CCSER1: variants seen among roughly 807,000 people sequenced by gnomAD.
The protein encoded by CCSER1 is coiled-coil serine rich protein 1.
In CCSER1, 41 loss-of-function variants were observed where a neutral mutation model predicts 82.0. The observed-to-expected ratio is 0.50, with a 90% CI of 0.39 to 0.65. The LOEUF (loss-of-function observed/expected upper bound fraction) is 0.65. CCSER1 is among the 30% of genes least tolerant of loss of function. The probability of loss-of-function intolerance (pLI) is 0.00; values close to 1 mark genes in which losing one functional copy is unlikely to be tolerated. For synonymous variants in CCSER1, 414 were observed against 383.9 expected, an observed-to-expected ratio of 1.08 and a Z score of -0.92; for missense variants, 1,119 against 1,064.2, an observed-to-expected ratio of 1.05 and a Z score of -0.72.
chr4:90,865,061 A>G lies in CCSER1; in HGVS notation c.2094+49216A>G, dbSNP rs1268259971. On this transcript the variant is annotated intron_variant, in intron 8 of 10. Coordinates refer to ENST00000509176, the MANE Select transcript of CCSER1 (RefSeq NM_001145065.2). ...TTATTCATCTAGGCAGCACTTTTTC[A>G]TTTTGGTGAATCCAATATATTCTTT... 2.6e-5 allele frequency among the ~76,000 whole-genome samples: 4 copies of G among 152,040 alleles called. No individual in the cohort carries two copies. In the East Asian group the frequency reaches 7.8e-4, roughly 29 times the overall value.
chr4:90,715,437 T>A (rs770704348), intron 6 of CCSER1, among the ~76,000 whole-genome samples: 7 of 151,992 alleles, frequency 4.6e-5, no homozygotes, highest in Non-Finnish European at 7.4e-5. Context: ...CAGCTTTGAT[T>A]TAGCTTTCAG....
chr4:91,495,404 T>C (rs1224387027), intron 10 of CCSER1, among the ~76,000 whole-genome samples: 1 of 151,664 alleles, frequency 6.6e-6, no homozygotes, highest in Non-Finnish European at 1.5e-5. Flanking sequence ...CTAGTAACCT[T>C]ATTTTGTATC....
intron 4 of CCSER1, among the ~76,000 whole-genome samples, chr4:90,455,865 G>A (rs556078710): frequency 2.6e-4 from 40 of 152,230 alleles, no homozygotes; most frequent in Non-Finnish European, 2.6e-4. Flanking sequence ...CACCTGCGCC[G>A]TGCCCCCTAA....
chr4:90,131,206 G>T (rs1722773167), intron 1 of CCSER1, among the ~76,000 whole-genome samples: 1 of 152,126 alleles, frequency 6.6e-6, no homozygotes, highest in Admixed American at 6.5e-5. Flanking sequence ...TCACCATGTT[G>T]GCCAGGCTGG....
intron 9 of CCSER1, among the ~76,000 whole-genome samples, chr4:91,046,570 G>A (rs536667982): frequency 6.6e-6 from 1 of 152,268 alleles, no homozygotes; most frequent in East Asian, 1.9e-4. Context: ...ACTCACACAA[G>A]AAAGGTTTCT....
intron 10 of CCSER1, among the ~76,000 whole-genome samples, chr4:91,520,448 T>C (rs961255542): frequency 6.6e-6 from 1 of 152,200 alleles, no homozygotes; most frequent in African/African-American, 2.4e-5. Flanking sequence ...TTAGTGGTCT[T>C]TGTTGTCATA....
At chr4:90,854,155 G>A (rs973722366) in intron 8 of CCSER1, among the ~76,000 whole-genome samples, 1 of 152,106 alleles carries the variant, frequency 6.6e-6, no homozygotes, top group Non-Finnish European at 1.5e-5. Context: ...CCAAATTTCT[G>A]CAGAAATAGT....
chr4:91,306,919 G>A (rs930084189), intron 10 of CCSER1, among the ~76,000 whole-genome samples: 3 of 151,820 alleles, frequency 2.0e-5, no homozygotes, highest in Non-Finnish European at 4.4e-5. Flanking sequence ...TTTATTAAAG[G>A]CACATAATGA....
intron 3 of CCSER1, among the ~76,000 whole-genome samples, chr4:90,381,738 G>T (rs1271431203): frequency 6.6e-6 from 1 of 151,988 alleles, no homozygotes; most frequent in Non-Finnish European, 1.5e-5. Context: ...TTGATAAGTT[G>T]CCAGAGGAAA....
intron 1 of CCSER1, among the ~76,000 whole-genome samples, chr4:90,213,950 T>G (rs974037315): frequency 1.3e-5 from 2 of 152,158 alleles, no homozygotes; most frequent in Non-Finnish European, 2.9e-5. Flanking sequence ...AAAGAGAGAA[T>G]AGAATAAGTC....
At chr4:91,320,351 C>A (rs1273905543) in intron 10 of CCSER1, among the ~76,000 whole-genome samples, 1 of 151,936 alleles carries the variant, frequency 6.6e-6, no homozygotes, top group Non-Finnish European at 1.5e-5. Context: ...AACTGCCCCC[C>A]AGATAAAAGG....
intron 10 of CCSER1, among the ~76,000 whole-genome samples, chr4:91,297,672 A>T (rs1021455605): frequency 1.3e-5 from 2 of 151,950 alleles, no homozygotes; most frequent in African/African-American, 4.8e-5. Flanking sequence ...AATCACCTAG[A>T]TGACAGCAGG....
chr4:91,405,132 C>T (rs985476179), intron 10 of CCSER1, among the ~76,000 whole-genome samples: 1 of 151,996 alleles, frequency 6.6e-6, no homozygotes, highest in African/African-American at 2.4e-5. Context: ...TTGAATTGAT[C>T]CCTTTACCAT....
At chr4:91,504,145 G>T (rs533072821) in intron 10 of CCSER1, among the ~76,000 whole-genome samples, 1 of 152,112 alleles carries the variant, frequency 6.6e-6, no homozygotes, top group African/African-American at 2.4e-5. Context: ...AAATATGAAA[G>T]TACAACAGAC....
intron 5 of CCSER1, among the ~76,000 whole-genome samples, chr4:90,507,839 T>C (rs1277447498): frequency 6.6e-6 from 1 of 152,060 alleles, no homozygotes; most frequent in African/African-American, 2.4e-5. Context: ...CTACAGAAAA[T>C]CTGCTTTTAA....
chr4:90,819,425 TAG>T (rs772776534), intron 8 of CCSER1, among the ~76,000 whole-genome samples: 1 of 152,160 alleles, frequency 6.6e-6, no homozygotes, highest in Non-Finnish European at 1.5e-5. Context: ...TGTGGAAAAT[TAG>T]AGAGTTCTAC....
At chr4:90,807,337 G>A (rs903634008) in intron 7 of CCSER1, among the ~76,000 whole-genome samples, 5 of 152,086 alleles carry the variant, frequency 3.3e-5, no homozygotes, top group African/African-American at 1.2e-4. Context: ...TATAATCCTT[G>A]TCCATAATAC....
chr4:91,371,910 A>T (rs972044196), intron 10 of CCSER1, among the ~76,000 whole-genome samples: 2 of 152,200 alleles, frequency 1.3e-5, no homozygotes, highest in Non-Finnish European at 2.9e-5. Context: ...AGAATGACAC[A>T]GGGGGCATAA....
At chr4:91,299,078 A>G (rs968494483) in intron 10 of CCSER1, among the ~76,000 whole-genome samples, 4 of 147,422 alleles carry the variant, frequency 2.7e-5, no homozygotes, top group African/African-American at 8.1e-5. Flanking sequence ...TAAACATTCT[A>G]TGTTTATACA....
Sources: allele counts gnomAD v4.1 joint callset (sites outside exome capture counted in the v4.1 genomes callset), GRCh38; gene constraint gnomAD v4.1.1; transcripts MANE v1.5; gene names NCBI Gene and HGNC (gene_info 2026-07-23, HGNC 2026-07-21).